GLIS3: variants seen among roughly 807,000 people sequenced by gnomAD.
GLIS3 encodes the protein zinc finger protein GLIS3.
A neutral mutation model predicts 78.6 loss-of-function variants in GLIS3; 53 were observed. The observed-to-expected ratio is 0.67, with a 90% confidence interval of 0.54 to 0.85. The LOEUF (loss-of-function observed/expected upper bound fraction) is 0.85. GLIS3 is among the 40% of genes least tolerant of loss of function. The pLI is 0.00. For synonymous variants in GLIS3, 684 were observed against 509.9 expected (o/e 1.34, Z -4.60); for missense variants, 1,703 against 1,231.1 (o/e 1.38, Z -5.74).
At chr9:4,008,124 T>C (rs997826700) in intron 4 of GLIS3, among the ~76,000 whole-genome samples, 1 of 152,216 alleles carries the variant, frequency 6.6e-6, no homozygotes, top group Non-Finnish European at 1.5e-5. Context: ...AAATATTTGT[T>C]GACCATAAAA....
chr9:3,983,847 G>GA (rs1390230393), intron 4 of GLIS3, among the ~76,000 whole-genome samples: 10 of 152,182 alleles, frequency 6.6e-5, no homozygotes, highest in African/African-American at 2.4e-4. Flanking sequence ...CAAAAGTTTG[G>GA]AAATTTGCAG....
intron 2 of GLIS3, among the ~76,000 whole-genome samples, chr9:4,204,636 G>C (rs1451597757): frequency 6.6e-6 from 1 of 152,132 alleles, no homozygotes; most frequent in Non-Finnish European, 1.5e-5. Flanking sequence ...GAAGGAATCA[G>C]GCCGGGCACA....
intron 2 of GLIS3, among the ~76,000 whole-genome samples, chr9:4,174,529 G>A (rs1816653149): frequency 6.6e-6 from 1 of 152,076 alleles, no homozygotes; most frequent in Non-Finnish European, 1.5e-5. Context: ...AGAAAAAGAG[G>A]ATTTGGATTA....
chr9:4,007,393 T>G lies in GLIS3; in HGVS notation c.1711-70204A>C, dbSNP rs149757401. Among the ~76,000 whole-genome samples the G allele has an allele frequency of 8.1e-3, 1,235 of 152,254 alleles. 18 individuals carry two copies. The highest frequency in any genetic ancestry group is 0.028 in the African/African-American group (1,161 of 41,546). ...CTCTCTTTATCCCTCTCCCTCTTCC[T>G]GGTTCAAGGTCCCCTTCCTTACCCT... On this transcript the variant is annotated intron_variant, in intron 4 of 10. Coordinates refer to ENST00000381971, the MANE Select transcript of GLIS3 (RefSeq NM_001042413.2).
At chr9:4,374,323 C>CA in the GLIS3 span, among the ~76,000 whole-genome samples, 1 of 152,318 alleles carries the variant, frequency 6.6e-6, no homozygotes, top group East Asian at 1.9e-4. Flanking sequence ...TCTATCCCTG[C>CA]AAAGGAAAAA....
chr9:3,952,170 A>T (rs1588299528), intron 4 of GLIS3, among the ~76,000 whole-genome samples: 1 of 152,252 alleles, frequency 6.6e-6, no homozygotes, highest in East Asian at 1.9e-4. Flanking sequence ...TTCTAATTTG[A>T]GCAAACCATG....
At chr9:3,947,358 T>C (rs999044382) in intron 4 of GLIS3, among the ~76,000 whole-genome samples, 1 of 152,244 alleles carries the variant, frequency 6.6e-6, no homozygotes, top group African/African-American at 2.4e-5. Flanking sequence ...AGAAACTGTT[T>C]GCGGGTTGCA....
intron 1 of GLIS3, among the ~76,000 whole-genome samples, chr9:4,298,052 G>A (rs892691169): frequency 4.6e-5 from 7 of 152,304 alleles, no homozygotes; most frequent in South Asian, 2.1e-4. Flanking sequence ...GCGAGCGAGC[G>A]AGGGAGCGAA....
chr9:4,072,887 C>T (rs940769286), intron 4 of GLIS3, among the ~76,000 whole-genome samples: 2 of 152,090 alleles, frequency 1.3e-5, no homozygotes, highest in Non-Finnish European at 2.9e-5. Context: ...TTATAGTTCA[C>T]GTACAGCCCC....
chr9:4,001,079 C>G (rs1468659105), intron 4 of GLIS3, among the ~76,000 whole-genome samples: 1 of 152,196 alleles, frequency 6.6e-6, no homozygotes, highest in Non-Finnish European at 1.5e-5. Flanking sequence ...GTGCCAGGCA[C>G]TAAATTTACC....
intron 2 of GLIS3, among the ~76,000 whole-genome samples, chr9:4,275,428 G>A (rs897834807): frequency 4.6e-5 from 7 of 152,234 alleles, no homozygotes; most frequent in South Asian, 2.1e-4. Context: ...ATCTAAGACC[G>A]TGGGGTCCTA....
At chr9:4,258,585 C>T (rs561569506) in intron 2 of GLIS3, among the ~76,000 whole-genome samples, 5 of 152,212 alleles carry the variant, frequency 3.3e-5, no homozygotes, top group South Asian at 2.1e-4. Flanking sequence ...GTAAAGAATT[C>T]ACATATCTGG....
In GLIS3 at chr9:3,899,682, T is replaced by G. The variant is rs1197031157; in HGVS notation, c.1984-847A>C. On this transcript the variant is annotated intron_variant, in intron 6 of 10. Transcript: ENST00000381971. ...TAAAGAGTGTGTGTATAAATGGATTTTATAAAGACAAGACTAAACCTTTAG... is the reference window on the plus strand; with the variant it reads ...TAAAGAGTGTGTGTATAAATGGATTGTATAAAGACAAGACTAAACCTTTAG... Among the ~76,000 whole-genome samples the G allele has an allele frequency of 3.3e-5, 5 of 152,336 alleles. No individual in the cohort carries two copies. In the East Asian group the frequency reaches 7.7e-4, roughly 23 times the overall value.
At chr9:3,893,192 C>T (rs775171502) in intron 7 of GLIS3, among the ~76,000 whole-genome samples, 3 of 152,180 alleles carry the variant, frequency 2.0e-5, no homozygotes, top group Non-Finnish European at 4.4e-5. Flanking sequence ...CGCTACTTGC[C>T]TCTCCTCCTC....
chr9:4,360,015 C>T, the GLIS3 span, among the ~76,000 whole-genome samples: 1 of 149,222 alleles, frequency 6.7e-6, no homozygotes, highest in East Asian at 1.9e-4. Context: ...ACTGGAATGT[C>T]AGGATTTGCA....
At chr9:4,112,403 C>T (rs541199349) in intron 4 of GLIS3, among the ~76,000 whole-genome samples, 1 of 152,188 alleles carries the variant, frequency 6.6e-6, no homozygotes, top group Admixed American at 6.5e-5. Context: ...TACATCCCTG[C>T]ATCTTAACAG....
rs1817683909 is a variant in GLIS3, at chr9:3,825,599, T to A, written c.*2673A>T. On this transcript the variant is annotated 3_prime_UTR_variant, in exon 11 of 11. Transcript: ENST00000381971. Reference sequence around the variant, plus strand: ...AAGACCAGGACATGAAAGGGAATGATTTTTTTGAAGTTTCCACTTGTACTG... The same window carrying A: ...AAGACCAGGACATGAAAGGGAATGAATTTTTTGAAGTTTCCACTTGTACTG... The A allele has an allele frequency of 6.7e-6, 1 of 149,490 alleles. No individual in the cohort carries two copies. The allele number at this position is 149,490 out of a possible 1,614,324, so 9.3% of individuals were successfully genotyped here.
At chr9:3,971,512 A>G (rs530536508) in intron 4 of GLIS3, among the ~76,000 whole-genome samples, 108 of 152,296 alleles carry the variant, frequency 7.1e-4, no homozygotes, top group African/African-American at 2.6e-3. Flanking sequence ...AGAAGAAGAG[A>G]GAAAGGGAAA....
intron 4 of GLIS3, among the ~76,000 whole-genome samples, chr9:4,018,054 C>G: frequency 6.6e-6 from 1 of 152,300 alleles, no homozygotes; most frequent in Non-Finnish European, 1.5e-5. Flanking sequence ...CTGTGATAAT[C>G]CTCATAAACA....
Sources: gnomAD v4.1 joint callset for allele counts (sites outside exome capture counted in the v4.1 genomes callset) on GRCh38, gnomAD v4.1.1 for gene constraint, MANE v1.5 for transcripts, NCBI Gene and HGNC (gene_info 2026-07-23, HGNC 2026-07-21) for gene names.